The following MTAP variants were observed in gnomAD, a reference collection of about 807,000 sequenced individuals.
MTAP encodes methylthioadenosine phosphorylase.
Under a neutral mutation model 33.6 loss-of-function variants are expected in MTAP, and 33 were observed. That is an observed-to-expected ratio of 0.98 (90% CI 0.74 to 1.31). MTAP has a LOEUF of 1.31. MTAP is among the 40% of genes most tolerant of loss of function. The probability of loss-of-function intolerance (pLI) is 0.00; values close to 1 mark genes in which losing one functional copy is unlikely to be tolerated. For synonymous variants in MTAP, 148 were observed against 125.7 expected, an observed-to-expected ratio of 1.18 and a Z score of -1.19; for missense variants, 367 against 360.0, an observed-to-expected ratio of 1.02 and a Z score of -0.16.
chr9:21,894,017 C>T lies in MTAP; in HGVS notation c.148-36991C>T, dbSNP rs187185164. ...AAATACTCAACAAAATGCTAGCAAA[C>T]GAAATCCAGCATTGTATCAAAAAGC... On this transcript the variant is annotated intron_variant, in intron 1 of 1. Transcript: ENST00000577563. 9.9e-5 allele frequency among the ~76,000 whole-genome samples: 15 copies of T among 151,532 alleles called. 1 individual carries two copies. The highest frequency in any genetic ancestry group is 2.0e-4 in the Admixed American group (3 of 15,216).
At chr9:21,925,946 T>A (rs990563621) in intron 1 of MTAP, among the ~76,000 whole-genome samples, 2 of 152,244 alleles carry the variant, frequency 1.3e-5, no homozygotes, top group African/African-American at 2.4e-5. Context: ...TCCTCATCTT[T>A]GCTGCCTGTG....
chr9:21,810,724 G>A (rs574870576), intron 1 of MTAP, among the ~76,000 whole-genome samples: 59 of 152,198 alleles, frequency 3.9e-4, no homozygotes, highest in Non-Finnish European at 7.5e-4. Flanking sequence ...TTTAAAAACG[G>A]CAAATACAGT....
chr9:21,818,230 C>G (rs1441616016), intron 4 of MTAP, 28 bp downstream of exon 4: 1 of 1,560,050 alleles, frequency 6.4e-7, no homozygotes, highest in Admixed American at 1.7e-5. Context: ...ATGCTTTAGG[C>G]TATTGTAGCT....
intron 4 of MTAP, among the ~76,000 whole-genome samples, chr9:21,829,238 C>G (rs1419526642): frequency 6.6e-6 from 1 of 152,142 alleles, no homozygotes; most frequent in African/African-American, 2.4e-5. Context: ...ATTGTAACAT[C>G]CTGTAAAGCC....
chr9:21,873,522 C>G (rs1825963451), intron 1 of MTAP, among the ~76,000 whole-genome samples: 1 of 152,016 alleles, frequency 6.6e-6, no homozygotes, highest in African/African-American at 2.4e-5. Flanking sequence ...CATGTGAGAA[C>G]ACGTCTAGAA....
chr9:21,825,684 AAC>A (rs1215420518), intron 4 of MTAP, among the ~76,000 whole-genome samples: 1 of 152,188 alleles, frequency 6.6e-6, no homozygotes, highest in Admixed American at 6.5e-5. Context: ...TAAAAAATAA[AAC>A]AAAAATTAGC....
chr9:21,914,108 G>A (rs1056515074), intron 1 of MTAP, among the ~76,000 whole-genome samples: 7 of 152,224 alleles, frequency 4.6e-5, no homozygotes, highest in African/African-American at 9.6e-5. Context: ...TTAGAATGGC[G>A]ATCATTAAAA....
chr9:21,819,022 G>C (rs1478566785), intron 4 of MTAP, among the ~76,000 whole-genome samples: 1 of 152,034 alleles, frequency 6.6e-6, no homozygotes, highest in East Asian at 1.9e-4. Flanking sequence ...TCTTTCCATG[G>C]CTGGTTTATT....
At chr9:21,805,443 G>A (rs1467833953) in intron 1 of MTAP, among the ~76,000 whole-genome samples, 2 of 152,188 alleles carry the variant, frequency 1.3e-5, no homozygotes, top group Non-Finnish European at 2.9e-5. Flanking sequence ...TAGTCAGGGT[G>A]GGAAACCAAC....
At chr9:21,935,938 T>G (rs914540890), downstream of MTAP, 21 of 152,314 alleles carry the variant, frequency 1.4e-4, no homozygotes, top group African/African-American at 5.1e-4. Flanking sequence ...ATTTTAGTGT[T>G]TTTGTTGATT....
At position 21,846,417 on chromosome 9, in the gene MTAP, G is replaced by GA. The variant is rs66759160; in HGVS notation, c.451-8202dup. Among the ~76,000 whole-genome samples, 116 of 135,182 alleles carry GA rather than the reference G, an allele frequency of 8.6e-4. 1 individual carries two copies. The highest frequency in any genetic ancestry group is 1.7e-3 in the Admixed American group (23 of 13,570). The allele number at this position is 135,182 out of a possible 152,430, so 88.7% of individuals were successfully genotyped here. ...ACAGGGAACTGAAACAAATCAGCAA[G>GA]AAAAAAAAAAAAGGTCGCTAAGTAC... On this transcript the variant is annotated intron_variant, in intron 5 of 7. Coordinates refer to ENST00000644715, the MANE Select transcript of MTAP (RefSeq NM_002451.4).
At chr9:21,840,454 T>C (rs1277574809) in intron 5 of MTAP, among the ~76,000 whole-genome samples, 1 of 152,204 alleles carries the variant, frequency 6.6e-6, no homozygotes, top group Admixed American at 6.5e-5. Flanking sequence ...AACCTACCTC[T>C]GAATACACAT....
At position 21,802,782 on chromosome 9, in the gene MTAP, G is replaced by T; in HGVS notation, c.33+1G>T. The T allele has an allele frequency of 6.2e-7, 1 of 1,613,182 alleles. No homozygotes were observed. ...TGGCACCACCACCACCGCCGTGAAG[G>T]TGAGATGAGCCCTCCCAGCCGCAGC... On this transcript the variant is annotated splice_donor_variant, in intron 1 of 7. Coordinates refer to ENST00000644715, the MANE Select transcript of MTAP (RefSeq NM_002451.4). LOFTEE classifies it high-confidence loss of function.
intron 4 of MTAP, among the ~76,000 whole-genome samples, chr9:21,828,528 A>T (rs75257916): frequency 6.6e-6 from 1 of 152,128 alleles, no homozygotes; most frequent in Non-Finnish European, 1.5e-5. Flanking sequence ...ACAAAAAAAA[A>T]GTAGCCAGGT....
chr9:21,862,788 A>C lies in MTAP; in HGVS notation c.*774A>C, dbSNP rs1157557511. ...AAAATGCTATGTAAATATACAAAAA[A>C]ACTAGAAAGAAATATATATAACCTT... On this transcript the variant is annotated 3_prime_UTR_variant, in exon 8 of 8. Coordinates refer to ENST00000644715, the MANE Select transcript of MTAP (RefSeq NM_002451.4). 3.3e-6 allele frequency: 1 copy of C among 303,386 alleles called. No individual in the cohort carries two copies. The highest frequency in any genetic ancestry group is 4.8e-6 in the Non-Finnish European group (1 of 207,050). The allele number at this position is 303,386 out of a possible 1,614,324, so 18.8% of individuals were successfully genotyped here.
chr9:21,862,158 C>T lies in MTAP; in HGVS notation c.*144C>T. ...AGAGTATGTTGTAAGAAAGACAAGACATTGTGTGTATTAGAGACTCCTGAA... is the reference window on the plus strand; with the variant it reads ...AGAGTATGTTGTAAGAAAGACAAGATATTGTGTGTATTAGAGACTCCTGAA... On this transcript the variant is annotated 3_prime_UTR_variant, in exon 8 of 8. Coordinates refer to ENST00000644715, the MANE Select transcript of MTAP (RefSeq NM_002451.4). The T allele has an allele frequency of 1.3e-6, 2 of 1,504,000 alleles. No homozygotes were observed. Among genetic ancestry groups the T allele is most frequent in the Admixed American group, 2.4e-5 (1 of 41,824 alleles). The allele number at this position is 1,504,000 out of a possible 1,614,324, so 93.2% of individuals were successfully genotyped here.
rs1461930524 is a variant in MTAP at position 21,863,245 on chromosome 9, G to T, written c.*1231G>T. 1 of 975,092 alleles carries T rather than the reference G, an allele frequency of 1.0e-6. No homozygotes were observed. The highest frequency in any genetic ancestry group is 1.8e-5 in the African/African-American group (1 of 56,934). The allele number at this position is 975,092 out of a possible 1,614,324, so 60.4% of individuals were successfully genotyped here. A position where few individuals can be genotyped will look rare whatever the true frequency, so the allele number is the denominator to read the frequency against. On this transcript the variant is annotated 3_prime_UTR_variant, in exon 8 of 8. Transcript: ENST00000644715. Reference sequence around the variant, plus strand: ...GAGTTAAATTATTTTATACGAGTTGGTAATTTTTGCTTTTTAATAAAGTGG... The same window carrying T: ...GAGTTAAATTATTTTATACGAGTTGTTAATTTTTGCTTTTTAATAAAGTGG...
chr9:21,808,230 C>G (rs1824255636), intron 1 of MTAP, among the ~76,000 whole-genome samples: 1 of 152,092 alleles, frequency 6.6e-6, no homozygotes, highest in African/African-American at 2.4e-5. Flanking sequence ...CAAGTTCTTC[C>G]CTTAGTGTTA....
chr9:21,823,678 G>A (rs577017813), intron 4 of MTAP, among the ~76,000 whole-genome samples: 2 of 152,320 alleles, frequency 1.3e-5, no homozygotes, highest in South Asian at 4.1e-4. Context: ...GATTGGGGAA[G>A]TTCTCCTGGA....
Sources: gnomAD v4.1 joint callset for allele counts (sites outside exome capture counted in the v4.1 genomes callset) on GRCh38, gnomAD v4.1.1 for gene constraint, MANE v1.5 for transcripts, NCBI Gene and HGNC (gene_info 2026-07-23, HGNC 2026-07-21) for gene names.